Variants in SGCZ observed in about 807,000 individuals in gnomAD.
SGCZ encodes zeta-sarcoglycan.
Under a neutral mutation model 41.3 loss-of-function variants are expected in SGCZ, and 40 were observed. The ratio of observed to expected loss-of-function variants is 0.97; its 90% CI spans 0.75 to 1.26. The LOEUF is 1.26. SGCZ is among the 50% of genes most tolerant of loss of function. SGCZ has a pLI of 0.00. For missense variants in SGCZ, 552 were observed against 369.8 expected, an observed-to-expected ratio of 1.49 and a Z score of -4.04; for synonymous variants, 206 against 137.5, an observed-to-expected ratio of 1.50 and a Z score of -3.49.
intron 1 of SGCZ, among the ~76,000 whole-genome samples, chr8:14,964,414 C>A (rs1195610237): frequency 6.6e-6 from 1 of 152,162 alleles, no homozygotes; most frequent in Non-Finnish European, 1.5e-5. Flanking sequence ...CAGGAAGATG[C>A]CCTGCCTAGG....
chr8:14,098,107 A>T (rs1186858170), intron 7 of SGCZ, among the ~76,000 whole-genome samples: 1 of 152,186 alleles, frequency 6.6e-6, no homozygotes, highest in Admixed American at 6.6e-5. Flanking sequence ...CCTTCTACAT[A>T]ACACAAATAG....
chr8:14,976,380 C>T (rs974522688), intron 1 of SGCZ, among the ~76,000 whole-genome samples: 1 of 152,140 alleles, frequency 6.6e-6, no homozygotes, highest in African/African-American at 2.4e-5. Context: ...TTTTTAGAAA[C>T]TGATAAATCT....
chr8:15,210,975 C>T (rs1325823680), intron 1 of SGCZ, among the ~76,000 whole-genome samples: 1 of 151,600 alleles, frequency 6.6e-6, no homozygotes, highest in Non-Finnish European at 1.5e-5. Context: ...TCCAACTGTC[C>T]AAATTTTCCC....
chr8:14,883,907 C>T (rs920459369), intron 1 of SGCZ, among the ~76,000 whole-genome samples: 2 of 149,472 alleles, frequency 1.3e-5, no homozygotes, highest in Admixed American at 1.3e-4. Flanking sequence ...TTTCTGTTTA[C>T]TGAAGTAAGA....
intron 1 of SGCZ, among the ~76,000 whole-genome samples, chr8:15,214,985 T>A (rs2117169274): frequency 6.6e-6 from 1 of 152,314 alleles, no homozygotes; most frequent in South Asian, 2.1e-4. Context: ...AAGGTTGATA[T>A]TCTTCCCACA....
At chr8:15,107,841 C>A (rs1046645193) in intron 1 of SGCZ, among the ~76,000 whole-genome samples, 1 of 152,260 alleles carries the variant, frequency 6.6e-6, no homozygotes, top group Non-Finnish European at 1.5e-5. Context: ...TGCCATAGAT[C>A]TCTTCTGAGA....
At chr8:14,754,984 C>A (rs1481727401) in intron 1 of SGCZ, among the ~76,000 whole-genome samples, 1 of 152,174 alleles carries the variant, frequency 6.6e-6, no homozygotes, top group Admixed American at 6.5e-5. Flanking sequence ...CCCACCTTGG[C>A]CTCCCAAAGT....
chr8:14,515,533 T>C (rs1340063874), intron 2 of SGCZ, among the ~76,000 whole-genome samples: 2 of 152,064 alleles, frequency 1.3e-5, no homozygotes, highest in Admixed American at 6.6e-5. Flanking sequence ...TCTTTCACAA[T>C]ATCTATTTGA....
chr8:14,485,735 T>A (rs1372746993), intron 2 of SGCZ, among the ~76,000 whole-genome samples: 1 of 151,924 alleles, frequency 6.6e-6, no homozygotes, highest in African/African-American at 2.4e-5. Flanking sequence ...TTTCCTCAAC[T>A]CTCACTAGAC....
chr8:14,535,640 G>T (rs1244203065), intron 2 of SGCZ, among the ~76,000 whole-genome samples: 1 of 151,774 alleles, frequency 6.6e-6, no homozygotes, highest in East Asian at 1.9e-4. Flanking sequence ...AAATTTATTA[G>T]ATTTACATAA....
At chr8:14,327,583 G>C (rs1011806963) in intron 2 of SGCZ, among the ~76,000 whole-genome samples, 2 of 152,178 alleles carry the variant, frequency 1.3e-5, no homozygotes, top group African/African-American at 4.8e-5. Context: ...TGATGAGATG[G>C]CTGGAAATAA....
At chr8:15,176,234 A>C (rs1277943314) in intron 1 of SGCZ, among the ~76,000 whole-genome samples, 2 of 152,158 alleles carry the variant, frequency 1.3e-5, no homozygotes. Flanking sequence ...TGTACCATGA[A>C]AGTTACTGTC....
intron 1 of SGCZ, among the ~76,000 whole-genome samples, chr8:15,233,537 T>C (rs1175055039): frequency 6.6e-6 from 1 of 152,066 alleles, no homozygotes; most frequent in Non-Finnish European, 1.5e-5. Flanking sequence ...CCTCATTATA[T>C]TATTTAGGGA....
intron 1 of SGCZ, among the ~76,000 whole-genome samples, chr8:14,614,064 A>G (rs929278596): frequency 3.3e-5 from 5 of 152,160 alleles, no homozygotes; most frequent in Non-Finnish European, 7.4e-5. Context: ...ATTTGAAAGC[A>G]TACTGTGAGT....
intron 4 of SGCZ, among the ~76,000 whole-genome samples, chr8:14,235,393 C>G (rs1358543525): frequency 6.6e-6 from 1 of 152,178 alleles, no homozygotes; most frequent in African/African-American, 2.4e-5. Context: ...GCTGCTGTGT[C>G]ATTAACTTAA....
At chr8:14,612,188 T>A (rs1805951548) in intron 1 of SGCZ, among the ~76,000 whole-genome samples, 1 of 152,106 alleles carries the variant, frequency 6.6e-6, no homozygotes, top group Admixed American at 6.6e-5. Context: ...CCCACCCAAA[T>A]CTCATCTCTA....
Position 14,085,241 on chromosome 8 carries a change from A to C in SGCZ, c.*5202T>G, listed in dbSNP as rs917948159. On this transcript the variant is annotated 3_prime_UTR_variant, in exon 8 of 8. Transcript: ENST00000382080. ...ACAAACATGTTGCATAGTATGTGTA[A>C]GAAAATAGTTCCATTTTTCATATAT... 6.6e-6 allele frequency among the ~76,000 whole-genome samples: 1 copy of C among 151,812 alleles called. No individual in the cohort carries two copies. The highest frequency in any genetic ancestry group is 2.1e-4 in the South Asian group (1 of 4,832).
intron 1 of SGCZ, among the ~76,000 whole-genome samples, chr8:15,070,887 G>T (rs1298063230): frequency 1.3e-5 from 2 of 152,066 alleles, no homozygotes; most frequent in East Asian, 1.9e-4. Flanking sequence ...TCTCGGATCT[G>T]CCACTTAGCC....
At position 14,620,506 on chromosome 8, in the gene SGCZ, T is replaced by G. The variant is rs577089641; in HGVS notation, c.40-65580A>C. On this transcript the variant is annotated intron_variant, in intron 1 of 7. Transcript: ENST00000382080. ...CTACCATCAGAGTGAACAGGCAACC[T>G]ACAGAATGGGAGAAAATTTTTGCAA... Among the ~76,000 whole-genome samples the G allele has an allele frequency of 2.0e-4, 31 of 152,092 alleles. No homozygotes were observed. The East Asian group carries it at 6.0e-3, about 29-fold the overall frequency.
Sources: gnomAD v4.1 joint callset for allele counts (sites outside exome capture counted in the v4.1 genomes callset) on GRCh38, gnomAD v4.1.1 for gene constraint, MANE v1.5 for transcripts, NCBI Gene and HGNC (gene_info 2026-07-23, HGNC 2026-07-21) for gene names.